DAB1: variants seen among roughly 807,000 people sequenced by gnomAD.
DAB1 encodes the protein DAB adaptor protein 1, also known as disabled homolog 1.
Under a neutral mutation model 64.6 loss-of-function variants are expected in DAB1, and 15 were observed. That is an observed-to-expected ratio of 0.23 (90% CI 0.16 to 0.36). The LOEUF is 0.36. Among genes scored for constraint, DAB1 ranks in the 10% least tolerant of loss-of-function variants. The pLI is 1.00. For missense variants in DAB1, 596 were observed against 706.7 expected (o/e 0.84, Z 1.78); for synonymous variants, 235 against 251.9 (o/e 0.93, Z 0.64).
chr1:58,221,831 C>A (rs1017569573), intron 4 of DAB1, among the ~76,000 whole-genome samples: 5 of 152,226 alleles, frequency 3.3e-5, no homozygotes, highest in Non-Finnish European at 7.3e-5. Flanking sequence ...GCATCTTCAG[C>A]TCTAATGGGA....
At chr1:58,000,794 C>G (rs545282939) in intron 5 of DAB1, among the ~76,000 whole-genome samples, 1 of 151,980 alleles carries the variant, frequency 6.6e-6, no homozygotes, top group Non-Finnish European at 1.5e-5. Context: ...TGGTCTCAAA[C>G]TCCTGACCTC....
At chr1:58,452,655 C>CAAAAAAAAA in intron 3 of DAB1, among the ~76,000 whole-genome samples, 1 of 105,544 alleles carries the variant, frequency 9.5e-6, no homozygotes, top group Non-Finnish European at 2.0e-5. Context: ...ACAAAAATAC[C>CAAAAAAAAA]AAAAAAAAAA....
intron 6 of DAB1, among the ~76,000 whole-genome samples, chr1:57,717,450 A>G (rs138325484): frequency 6.6e-6 from 1 of 152,216 alleles, no homozygotes; most frequent in East Asian, 1.9e-4. Flanking sequence ...AGAAAGGGGA[A>G]CTTTTAGGTA....
chr1:58,489,301 C>A (rs1033128282), intron 3 of DAB1, among the ~76,000 whole-genome samples: 1 of 152,214 alleles, frequency 6.6e-6, no homozygotes, highest in African/African-American at 2.4e-5. Flanking sequence ...TTATATCCCA[C>A]GCCTGGCTCA....
chr1:57,781,595 T>A (rs1650100880), intron 6 of DAB1, among the ~76,000 whole-genome samples: 2 of 151,914 alleles, frequency 1.3e-5, no homozygotes, highest in Non-Finnish European at 2.9e-5. Context: ...GTAACACAGT[T>A]GTGTAAATAG....
At chr1:57,033,524 G>T in intron 9 of DAB1, 2 of 1,612,768 alleles carry the variant, frequency 1.2e-6, no homozygotes, top group Non-Finnish European at 1.7e-6. Flanking sequence ...AATTCTTACC[G>T]GGGTGGCTGC....
At chr1:57,472,779 C>T (rs548222631) in intron 7 of DAB1, among the ~76,000 whole-genome samples, 1 of 152,290 alleles carries the variant, frequency 6.6e-6, no homozygotes, top group African/African-American at 2.4e-5. Context: ...TTCTTTAACT[C>T]ATGTCTGAGG....
chr1:57,583,702 T>A (rs1001676653), intron 7 of DAB1, among the ~76,000 whole-genome samples: 12 of 152,192 alleles, frequency 7.9e-5, no homozygotes, highest in Admixed American at 1.3e-4. Flanking sequence ...ACAAATCATA[T>A]GTATCTAGAA....
At chr1:58,140,818 T>C (rs1287101861) in intron 5 of DAB1, among the ~76,000 whole-genome samples, 1 of 152,162 alleles carries the variant, frequency 6.6e-6, no homozygotes, top group Non-Finnish European at 1.5e-5. Context: ...AATAAGTAAA[T>C]AGATAGTTCC....
chr1:57,913,779 G>A (rs919848594), intron 5 of DAB1, among the ~76,000 whole-genome samples: 1 of 152,114 alleles, frequency 6.6e-6, no homozygotes, highest in African/African-American at 2.4e-5. Flanking sequence ...CAACAAGCGG[G>A]TGAAGGATAT....
At chr1:57,011,634 T>G (rs1390108642) in intron 12 of DAB1, among the ~76,000 whole-genome samples, 1 of 152,218 alleles carries the variant, frequency 6.6e-6, no homozygotes, top group African/African-American at 2.4e-5. Flanking sequence ...TACAGGTTAT[T>G]CTGATGCATG....
chr1:57,805,413 A>C (rs1651315960), intron 6 of DAB1, among the ~76,000 whole-genome samples: 1 of 152,188 alleles, frequency 6.6e-6, no homozygotes, highest in Non-Finnish European at 1.5e-5. Flanking sequence ...TGAATCCCTC[A>C]CATTTGGATA....
chr1:57,332,941 C>T (rs1676792709), intron 1 of DAB1, among the ~76,000 whole-genome samples: 1 of 152,232 alleles, frequency 6.6e-6, no homozygotes, highest in African/African-American at 2.4e-5. Context: ...TCCAAGGCAT[C>T]TGTTCTGTCT....
chr1:57,032,437 A>G lies in DAB1; in HGVS notation c.724-6394T>C, dbSNP rs537317283. Among the ~76,000 whole-genome samples, 13 of 152,290 alleles carry G rather than the reference A, an allele frequency of 8.5e-5. No individual in the cohort carries two copies. In the South Asian group the frequency reaches 2.7e-3, roughly 32 times the overall value. ...AAAGAAGAGGCCATCTCAGGGTCTG[A>G]CATGTGCTCCTCCTCCCACCTAGAA... On this transcript the variant is annotated intron_variant, in intron 9 of 14. Transcript: ENST00000371236.
chr1:57,370,266 T>A (rs1680390916), intron 1 of DAB1, among the ~76,000 whole-genome samples: 1 of 152,156 alleles, frequency 6.6e-6, no homozygotes, highest in Non-Finnish European at 1.5e-5. Context: ...AATGAATGAT[T>A]GCAATAAAAG....
intron 12 of DAB1, among the ~76,000 whole-genome samples, chr1:57,013,994 G>A (rs1198173121): frequency 6.6e-6 from 1 of 152,180 alleles, no homozygotes; most frequent in East Asian, 1.9e-4. Flanking sequence ...CAAAGACACA[G>A]CTTGTGGTGG....
chr1:57,802,761 T>C (rs1053101297), intron 6 of DAB1, among the ~76,000 whole-genome samples: 38 of 152,134 alleles, frequency 2.5e-4, no homozygotes, highest in African/African-American at 8.9e-4. Flanking sequence ...TGACTGAAAG[T>C]TTCCTGCAGC....
At chr1:57,539,149 G>A (rs545271083) in intron 7 of DAB1, among the ~76,000 whole-genome samples, 3 of 152,344 alleles carry the variant, frequency 2.0e-5, no homozygotes, top group South Asian at 4.1e-4. Flanking sequence ...AGCTCAGCCA[G>A]TACAGACCAA....
chr1:57,106,437 C>T (rs959205060), intron 4 of DAB1, among the ~76,000 whole-genome samples: 2 of 152,060 alleles, frequency 1.3e-5, no homozygotes, highest in Non-Finnish European at 2.9e-5. Context: ...CCAAGTTTGG[C>T]GGGGTGCACA....
Sources: gnomAD v4.1 joint callset for allele counts (sites outside exome capture counted in the v4.1 genomes callset) on GRCh38, gnomAD v4.1.1 for gene constraint, MANE v1.5 for transcripts, NCBI Gene and HGNC (gene_info 2026-07-23, HGNC 2026-07-21) for gene names.